The following CLIP2 variants were observed in gnomAD, a reference collection of about 807,000 sequenced individuals.
CLIP2 encodes the protein CAP-Gly domain-containing linker protein 2.
In CLIP2, 41 loss-of-function variants were observed where a neutral mutation model predicts 111.7. The ratio of observed to expected loss-of-function variants is 0.37; its 90% CI spans 0.29 to 0.48. The LOEUF is 0.48. Among genes scored for constraint, CLIP2 ranks in the 20% least tolerant of loss-of-function variants. The probability of loss-of-function intolerance (pLI) is 0.99; values close to 1 mark genes in which losing one functional copy is unlikely to be tolerated. For synonymous variants in CLIP2, 660 were observed against 644.2 expected (o/e 1.02, Z -0.37); for missense variants, 1,160 against 1,422.1 (o/e 0.82, Z 2.96).
intron 1 of CLIP2, among the ~76,000 whole-genome samples, chr7:74,296,559 G>A (rs1788174061): frequency 1.3e-5 from 2 of 151,898 alleles, no homozygotes; most frequent in African/African-American, 4.8e-5. Flanking sequence ...GGAGGCTGAG[G>A]CAGGCAGATC....
At chr7:74,334,539 C>A (rs561965831) in intron 2 of CLIP2, among the ~76,000 whole-genome samples, 2 of 152,170 alleles carry the variant, frequency 1.3e-5, no homozygotes, top group South Asian at 2.1e-4. Context: ...GCACAGAGGG[C>A]AGGTAGAAAC....
chr7:74,320,509 G>T (rs192856149), intron 2 of CLIP2, among the ~76,000 whole-genome samples: 1 of 152,066 alleles, frequency 6.6e-6, no homozygotes, highest in Non-Finnish European at 1.5e-5. Flanking sequence ...GTGACCCAGC[G>T]AGACCCTGAC....
At chr7:74,364,992 GTTGTGTGT>G (rs1188865813) in intron 8 of CLIP2, 8 of 307,688 alleles carry the variant, frequency 2.6e-5, no homozygotes, top group African/African-American at 8.8e-5. Flanking sequence ...CCTGTTTTTT[GTTGTGTGT>G]GTGTGTGTGT....
chr7:74,383,392 T>A (rs1156510390), intron 11 of CLIP2, among the ~76,000 whole-genome samples: 2 of 152,216 alleles, frequency 1.3e-5, no homozygotes, highest in Non-Finnish European at 2.9e-5. Flanking sequence ...TTCCAATGAC[T>A]TGTTATTCTC....
Position 74,338,727 on chromosome 7 carries a change from C to T in CLIP2, c.401C>T (p.Ala134Val). Residue 134 changes from alanine (A) to valine (V), a missense_variant, in exon 3 of 17, where the codon GCC (alanine) becomes GTC (valine). Coordinates refer to ENST00000223398, the MANE Select transcript of CLIP2 (RefSeq NM_003388.5). This position sits in a 1 kb window ranked among gnomAD's most constrained non-coding sequence, Gnocchi z 4.3. ...VGGVRYFECP[A>V]LQGIFTRPSK... is the part of the protein sequence containing the mutation. The stretch of plus-strand genomic sequence containing the variant: ...GGCGTGCGCTACTTCGAGTGCCCGG[C>T]CCTCCAGGGTATCTTCACGCGGCCC... 6.3e-7 allele frequency: 1 copy of T among 1,594,002 alleles called. No individual in the cohort carries two copies.
chr7:74,338,504 GC>G lies in CLIP2; in HGVS notation c.183del (p.Glu62ArgfsTer26). On this transcript the variant is annotated frameshift_variant, in exon 3 of 17. Coordinates refer to ENST00000223398, the MANE Select transcript of CLIP2 (RefSeq NM_003388.5). LOFTEE classifies it high-confidence loss of function. The surrounding 1 kb of genome is among the most constrained non-coding windows in gnomAD (Gnocchi z 4.3). ...CTCCTCCTCCCCGGCCGCAGCTGCT[GC>G]CCCCGAGAAGCCGGGCCCCAAGGCG... The part of the protein sequence containing the change: ...GPSSSPAAAA[A>X]PEKPGPKAAE... The G allele has an allele frequency of 1.2e-6, 2 of 1,611,398 alleles. No homozygotes were observed.
At chr7:74,393,139 G>T (rs1389864482) in intron 13 of CLIP2, among the ~76,000 whole-genome samples, 7 of 150,610 alleles carry the variant, frequency 4.6e-5, no homozygotes, top group Non-Finnish European at 7.4e-5. Context: ...GGGTTCAAGC[G>T]ATTCTCCTGC....
At chr7:74,333,656 A>G (rs1789364675) in intron 2 of CLIP2, among the ~76,000 whole-genome samples, 1 of 149,368 alleles carries the variant, frequency 6.7e-6, no homozygotes, top group African/African-American at 2.5e-5. Flanking sequence ...TAATTTTTGT[A>G]TTTTTTTGTA....
intron 8 of CLIP2, among the ~76,000 whole-genome samples, chr7:74,368,533 TAAATAAATAA>T (rs1554311252): frequency 6.7e-6 from 1 of 150,264 alleles, no homozygotes; most frequent in Non-Finnish European, 1.5e-5. Flanking sequence ...AATAAATAAA[TAAATAAATAA>T]AAATAAATAA....
chr7:74,330,796 G>GT (rs1275735699), intron 2 of CLIP2, among the ~76,000 whole-genome samples: 1 of 152,038 alleles, frequency 6.6e-6, no homozygotes, highest in Non-Finnish European at 1.5e-5. Context: ...CTTAGATTCA[G>GT]TTTTTTATTT....
chr7:74,355,313 C>T (rs138038563), intron 4 of CLIP2, among the ~76,000 whole-genome samples: 2 of 152,178 alleles, frequency 1.3e-5, no homozygotes, highest in African/African-American at 4.8e-5. Flanking sequence ...TCAAGTGAAT[C>T]AGAAGCTGGA....
chr7:74,299,979 G>A (rs1788281750), intron 1 of CLIP2, among the ~76,000 whole-genome samples: 1 of 151,634 alleles, frequency 6.6e-6, no homozygotes, highest in Non-Finnish European at 1.5e-5. Flanking sequence ...TTGCAGGCAT[G>A]AGCCACTCCA....
chr7:74,378,125 C>CT (rs1308658910), intron 10 of CLIP2, among the ~76,000 whole-genome samples: 9 of 150,694 alleles, frequency 6.0e-5, no homozygotes, highest in East Asian at 2.0e-4. Context: ...CATCCCTGGC[C>CT]TTTTTTTTGG....
chr7:74,401,623 G>T, intron 16 of CLIP2, 56 bp downstream of exon 16: 1 of 1,517,228 alleles, frequency 6.6e-7, no homozygotes. Context: ...CCTCTCTGGA[G>T]AAAATCCTTG....
intron 1 of CLIP2, among the ~76,000 whole-genome samples, chr7:74,300,431 G>A (rs1788301981): frequency 6.6e-6 from 1 of 150,566 alleles, no homozygotes; most frequent in African/African-American, 2.4e-5. Context: ...TCCCATCCAT[G>A]TTGCTGAAAA....
At chr7:74,346,161 T>C (rs1554306206) in intron 3 of CLIP2, among the ~76,000 whole-genome samples, 1 of 152,018 alleles carries the variant, frequency 6.6e-6, no homozygotes. Context: ...TAATTTTTTT[T>C]TGTAGAGAGG....
chr7:74,377,713 C>T (rs1412439891), intron 10 of CLIP2, among the ~76,000 whole-genome samples: 1 of 152,186 alleles, frequency 6.6e-6, no homozygotes, highest in Non-Finnish European at 1.5e-5. Context: ...GTGGGGCTGA[C>T]AGAGAGTGCC....
chr7:74,330,287 G>A (rs1415188883), intron 2 of CLIP2, among the ~76,000 whole-genome samples: 3 of 139,122 alleles, frequency 2.2e-5, no homozygotes, highest in Non-Finnish European at 3.1e-5. Context: ...ATGGAGTCTC[G>A]CTCCCGTCAC....
In CLIP2 at chr7:74,386,623, G is replaced by A. The variant is rs1791109136; in HGVS notation, c.2563+19G>A. 6.3e-7 allele frequency: 1 copy of A among 1,574,846 alleles called. No individual in the cohort carries two copies. Among genetic ancestry groups the A allele is most frequent in the South Asian group, 1.2e-5 (1 of 86,794 alleles). ...GTAAGTGGTAAGTCTCCCTCCCGCA[G>A]GGCAGATGCGGGGGGCTTTCACTGG... is the stretch of plus-strand genomic sequence containing the variant. On this transcript the variant is annotated intron_variant, in intron 12 of 16. Transcript: ENST00000223398.
Sources: gnomAD v4.1 joint callset for allele counts (sites outside exome capture counted in the v4.1 genomes callset) on GRCh38, gnomAD v4.1.1 for gene constraint, Gnocchi (gnomAD v3.1) non-coding constraint, MANE v1.5 for transcripts, NCBI Gene and HGNC (gene_info 2026-07-23, HGNC 2026-07-21) for gene names.